Variants in CABIN1 observed in about 807,000 individuals in gnomAD.
CABIN1 encodes the protein calcineurin-binding protein cabin-1.
In CABIN1, 133 loss-of-function variants were observed where a neutral mutation model predicts 227.7. The observed-to-expected ratio is 0.58, with a 90% CI of 0.51 to 0.67. The LOEUF is 0.67. CABIN1 is among the 30% of genes least tolerant of loss of function. The pLI is 0.00. For missense variants in CABIN1, 2,408 were observed against 2,852.5 expected (o/e 0.84, Z 3.55); for synonymous variants, 1,086 against 1,155.1 (o/e 0.94, Z 1.21).
At chr22:24,046,797 A>G (rs2037919183) in intron 6 of CABIN1, among the ~76,000 whole-genome samples, 1 of 152,176 alleles carries the variant, frequency 6.6e-6, no homozygotes. Flanking sequence ...GTCCAAGTCC[A>G]AAGGCCTGAG....
At chr22:24,050,151 T>C (rs5751799) in intron 7 of CABIN1, among the ~76,000 whole-genome samples, 10 of 152,218 alleles carry the variant, frequency 6.6e-5, no homozygotes, top group Admixed American at 6.5e-4. Context: ...GTCTATCCCC[T>C]GTGAGCCTGT....
chr22:24,014,854 ATC>A (rs1465647256), intron 1 of CABIN1, among the ~76,000 whole-genome samples: 1 of 152,154 alleles, frequency 6.6e-6, no homozygotes, highest in East Asian at 1.9e-4. Flanking sequence ...TATCTGGATT[ATC>A]TCGTGTTTCT....
intron 16 of CABIN1, among the ~76,000 whole-genome samples, chr22:24,070,392 C>G (rs2040001059): frequency 6.6e-6 from 1 of 152,262 alleles, no homozygotes; most frequent in Non-Finnish European, 1.5e-5. Flanking sequence ...TAGTCCCTCC[C>G]TGGCAGTCTG....
rs769135919 is a variant in CABIN1, at chr22:24,119,341, T to G, written c.4301-26T>G. 6.9e-6 allele frequency: 11 copies of G among 1,602,012 alleles called. No homozygotes were observed. In the African/African-American group the frequency reaches 9.4e-5, roughly 14 times the overall value. On this transcript the variant is annotated intron_variant, in intron 27 of 36. Transcript: ENST00000263119. ...GGACAGGGCCTAAAACCAGGGTGAC[T>G]TTCTTTCCCTTCTTCTCAACTGTAG...
At chr22:24,175,175 G>A (rs897653757) in intron 34 of CABIN1, among the ~76,000 whole-genome samples, 2 of 152,196 alleles carry the variant, frequency 1.3e-5, no homozygotes, top group African/African-American at 4.8e-5. Context: ...GACACTGGGG[G>A]CAGGGGGCGA....
chr22:24,118,743 C>G (rs145263826), intron 27 of CABIN1, among the ~76,000 whole-genome samples: 12 of 152,352 alleles, frequency 7.9e-5, no homozygotes, highest in African/African-American at 2.6e-4. Context: ...TGTCATCATC[C>G]TGGGGCCAGC....
At chr22:24,064,674 T>C (rs375624505) in intron 15 of CABIN1, among the ~76,000 whole-genome samples, 30 of 151,020 alleles carry the variant, frequency 2.0e-4, no homozygotes, top group East Asian at 5.9e-4. Context: ...CCTTCCGCAG[T>C]GTTTGTGTCC....
At chr22:24,044,171 C>T (rs2037659905) in intron 6 of CABIN1, among the ~76,000 whole-genome samples, 1 of 152,190 alleles carries the variant, frequency 6.6e-6, no homozygotes, top group African/African-American at 2.4e-5. Flanking sequence ...CCTATGCAAA[C>T]TGGAGAAGTA....
At chr22:24,037,280 A>G (rs1028962268) in intron 3 of CABIN1, among the ~76,000 whole-genome samples, 4 of 150,092 alleles carry the variant, frequency 2.7e-5, no homozygotes, top group Admixed American at 6.6e-5. Flanking sequence ...AAAAAAAAAG[A>G]AAAGAAAACA....
chr22:24,089,493 C>T (rs1281248619), intron 23 of CABIN1, among the ~76,000 whole-genome samples: 2 of 152,128 alleles, frequency 1.3e-5, no homozygotes, highest in Non-Finnish European at 2.9e-5. Flanking sequence ...AGATGGAAAT[C>T]CACCAGGAAT....
At chr22:24,072,653 A>G (rs547700827) in intron 18 of CABIN1, 143 bp downstream of exon 18, 36 of 1,019,648 alleles carry the variant, frequency 3.5e-5, no homozygotes, top group Admixed American at 1.6e-4. Flanking sequence ...ATGCGCTTGG[A>G]CAGAGGCAGA....
In CABIN1 at chr22:24,063,109, G is replaced by T. The variant is rs755223336; in HGVS notation, c.1847G>T (p.Arg616Leu). Residue 616 changes from arginine to leucine, a missense_variant, in exon 14 of 37, where the codon CGT becomes CTT. This residue lies in a region of CABIN1 where 1,045 missense variants were observed against 1,168.4 expected (regional missense o/e 0.89). Transcript: ENST00000263119. ...FEDGWLEFVV[R>L]VYWLKARFLA... The stretch of plus-strand genomic sequence containing the variant: ...GATGGTTGGCTGGAGTTTGTGGTCC[G>T]TGTTTACTGGCTGAAGGCTCGCTTC... 1 of 1,614,188 alleles carries T rather than the reference G, an allele frequency of 6.2e-7. No individual in the cohort carries two copies. Among genetic ancestry groups the T allele is most frequent in the East Asian group, 2.2e-5 (1 of 44,884 alleles).
chr22:24,129,661 C>T (rs2043948563), intron 28 of CABIN1, among the ~76,000 whole-genome samples: 1 of 152,228 alleles, frequency 6.6e-6, no homozygotes, highest in African/African-American at 2.4e-5. Flanking sequence ...CCTTATAGGG[C>T]TGATAGAGAA....
At chr22:24,052,935 C>T (rs554793641) in intron 8 of CABIN1, among the ~76,000 whole-genome samples, 1 of 152,208 alleles carries the variant, frequency 6.6e-6, no homozygotes, top group East Asian at 1.9e-4. Context: ...ACAACCCAGC[C>T]AGTAAGCAAA....
chr22:24,068,746 C>G (rs1015189086), intron 16 of CABIN1, among the ~76,000 whole-genome samples: 5 of 152,086 alleles, frequency 3.3e-5, no homozygotes, highest in Admixed American at 6.5e-5. Context: ...CAGAGAGGTT[C>G]TGAATTTTTA....
At chr22:24,156,700 G>A (rs983729195) in intron 29 of CABIN1, 3 of 152,264 alleles carry the variant, frequency 2.0e-5, no homozygotes, top group Non-Finnish European at 4.4e-5. Context: ...CCCGTTATGT[G>A]CGCTGGGCTA....
At chr22:24,145,641 C>T (rs1241425011) in intron 29 of CABIN1, among the ~76,000 whole-genome samples, 3 of 152,136 alleles carry the variant, frequency 2.0e-5, no homozygotes, top group Non-Finnish European at 2.9e-5. Context: ...CCTGGTGTGC[C>T]AGGCATGTGG....
chr22:24,135,149 G>T (rs1163356349), intron 29 of CABIN1, among the ~76,000 whole-genome samples: 3 of 143,780 alleles, frequency 2.1e-5, no homozygotes, highest in Non-Finnish European at 3.0e-5. Flanking sequence ...CCAGCACTTT[G>T]GGAGGCCAAG....
chr22:24,119,066 T>G (rs777719039), intron 27 of CABIN1, among the ~76,000 whole-genome samples: 2 of 152,342 alleles, frequency 1.3e-5, no homozygotes, highest in South Asian at 2.1e-4. Context: ...GGACAGCCTG[T>G]GCCACCGTTC....
Sources: gnomAD v4.1 joint callset for allele counts (sites outside exome capture counted in the v4.1 genomes callset) on GRCh38, gnomAD v4.1.1 for gene constraint, gnomAD v4.1.1 regional missense constraint, MANE v1.5 for transcripts, NCBI Gene and HGNC (gene_info 2026-07-23, HGNC 2026-07-21) for gene names.